The following RECK variants were observed in gnomAD, a reference collection of about 807,000 sequenced individuals.
RECK encodes reversion inducing cysteine rich protein with kazal motifs.
A neutral mutation model predicts 115.1 loss-of-function variants in RECK; 69 were observed. The observed-to-expected ratio is 0.60, with a 90% CI of 0.49 to 0.73. RECK has a LOEUF of 0.73. RECK is among the 30% of genes least tolerant of loss of function. The pLI is 0.00. For synonymous variants in RECK, 414 were observed against 419.7 expected, an observed-to-expected ratio of 0.99 and a Z score of 0.17; for missense variants, 1,047 against 1,203.7, an observed-to-expected ratio of 0.87 and a Z score of 1.93.
Position 36,123,170 on chromosome 9 carries a change from A to C in RECK, c.*125A>C. The C allele has an allele frequency of 1.5e-6, 1 of 660,690 alleles. No individual in the cohort carries two copies. The highest frequency in any genetic ancestry group is 1.8e-5 in the African/African-American group (1 of 54,418). 40.9% of individuals were successfully genotyped at this position (660,690 alleles called of 1,614,324 possible). On this transcript the variant is annotated 3_prime_UTR_variant, in exon 21 of 21. Coordinates refer to ENST00000377966, the MANE Select transcript of RECK (RefSeq NM_021111.3). ...GGCACATGTCACCTCTATTCGCCAC[A>C]CAGTATTTTTTTTTTTAATCCGCCA...
chr9:36,105,463 C>T (rs1352854206), intron 13 of RECK, among the ~76,000 whole-genome samples, 180 bp downstream of exon 13: 1 of 152,066 alleles, frequency 6.6e-6, no homozygotes, highest in African/African-American at 2.4e-5. Context: ...GAGATTTTCT[C>T]ATTAAACATG....
intron 13 of RECK, among the ~76,000 whole-genome samples, chr9:36,107,469 G>T (rs928774469): frequency 2.6e-5 from 4 of 151,830 alleles, no homozygotes; most frequent in African/African-American, 9.7e-5. Context: ...GCTGGGTGTG[G>T]TGGCACACGC....
chr9:36,062,978 T>C (rs1361554836), intron 4 of RECK, among the ~76,000 whole-genome samples: 1 of 151,700 alleles, frequency 6.6e-6, no homozygotes, highest in Non-Finnish European at 1.5e-5. Context: ...CTACTAAAAA[T>C]ACAAAAATTA....
At chr9:36,121,420 C>T (rs1824454113) in intron 19 of RECK, 113 bp from the exon 20 acceptor site, 1 of 988,022 alleles carries the variant, frequency 1.0e-6, no homozygotes, top group South Asian at 1.7e-5. Context: ...GGGCCTTCCG[C>T]TGAGGGCTGT....
At chr9:36,101,071 A>G (rs926993371) in intron 11 of RECK, among the ~76,000 whole-genome samples, 7 of 151,904 alleles carry the variant, frequency 4.6e-5, no homozygotes, top group African/African-American at 1.7e-4. Context: ...GGTTCAAGCA[A>G]TTCTCCTGCC....
chr9:36,091,585 A>T (rs1391491620), intron 10 of RECK, among the ~76,000 whole-genome samples: 1 of 152,214 alleles, frequency 6.6e-6, no homozygotes, highest in Non-Finnish European at 1.5e-5. Context: ...TTCTGCCGTC[A>T]GTCCCCTCTC....
chr9:36,095,576 G>A (rs747697088), intron 10 of RECK, among the ~76,000 whole-genome samples: 1 of 152,118 alleles, frequency 6.6e-6, no homozygotes, highest in African/African-American at 2.4e-5. Context: ...TAAAAGATTA[G>A]GAAATTCAAT....
chr9:36,097,829 CT>C, intron 10 of RECK, among the ~76,000 whole-genome samples: 1 of 152,312 alleles, frequency 6.6e-6, no homozygotes, highest in South Asian at 2.1e-4. Context: ...TATATATACA[CT>C]GTGGAATCCT....
At chr9:36,053,356 C>T (rs949828510) in intron 2 of RECK, among the ~76,000 whole-genome samples, 1 of 152,116 alleles carries the variant, frequency 6.6e-6, no homozygotes, top group Non-Finnish European at 1.5e-5. Context: ...CAAGTAATAA[C>T]CTGGATCTTG....
At position 36,110,049 on chromosome 9, in the gene RECK, A is replaced by G. The variant is rs150659859; in HGVS notation, c.1858A>G (p.Ser620Gly). 5.6e-6 allele frequency: 9 copies of G among 1,611,780 alleles called. No homozygotes were observed. Among genetic ancestry groups the G allele is most frequent in the Non-Finnish European group, 5.9e-6 (7 of 1,178,070 alleles). The change falls in exon 15 of 21, where the codon AGT becomes GGT. Residue 620 changes from serine (S) to glycine (G), a missense_variant. Transcript: ENST00000377966. Reference protein sequence around the residue: ...CSTRLCLSEHSSEDDRRTFTG... With the variant: ...CSTRLCLSEHGSEDDRRTFTG... ...TACCCGCCTTTGCCTCAGTGAGCAC[A>G]GTTCAGAAGATGACCGTCGTACCTT... is the stretch of plus-strand genomic sequence containing the variant.
At chr9:36,106,610 T>C (rs1287058672) in intron 13 of RECK, among the ~76,000 whole-genome samples, 1 of 152,038 alleles carries the variant, frequency 6.6e-6, no homozygotes, top group African/African-American at 2.4e-5. Context: ...ATCTATAATA[T>C]ATGTGTAATA....
At chr9:36,067,586 A>G (rs1189017844) in intron 6 of RECK, among the ~76,000 whole-genome samples, 1 of 152,206 alleles carries the variant, frequency 6.6e-6, no homozygotes, top group Non-Finnish European at 1.5e-5. Flanking sequence ...AGTTTAATAT[A>G]AAGCATTGTT....
chr9:36,083,167 A>T (rs1016306076), intron 7 of RECK, among the ~76,000 whole-genome samples, 198 bp from the exon 8 acceptor site: 3 of 152,192 alleles, frequency 2.0e-5, no homozygotes, highest in Non-Finnish European at 1.5e-5. Context: ...TTGATGATTA[A>T]TGACTTTATT....
chr9:36,059,579 A>AATTATT (rs1255539747), intron 3 of RECK, among the ~76,000 whole-genome samples: 10 of 152,188 alleles, frequency 6.6e-5, no homozygotes, highest in African/African-American at 2.2e-4. Context: ...ATTTGGGATA[A>AATTATT]GGGAAAATAT....
intron 12 of RECK, among the ~76,000 whole-genome samples, chr9:36,102,828 C>T (rs529764276): frequency 5.0e-4 from 76 of 151,654 alleles, no homozygotes; most frequent in African/African-American, 1.8e-3. Context: ...TGGTGGCGGG[C>T]GCCTGTAGTC....
At position 36,118,762 on chromosome 9, in the gene RECK, T is replaced by C; in HGVS notation, c.2259T>C (p.Phe753=). The C allele has an allele frequency of 6.2e-7, 1 of 1,613,842 alleles. No homozygotes were observed. Among genetic ancestry groups the C allele is most frequent in the African/African-American group, 1.3e-5 (1 of 75,050 alleles). The change falls in exon 18 of 21, where the codon TTT becomes TTC. Residue 753 remains phenylalanine (F), a synonymous_variant. Transcript: ENST00000377966. ...SLSYKGPCQP[F]CRATEPVCGH... is the part of the protein sequence containing the mutation. ...TGTGATTTGTTTGCCCTCAGCCCTT[T>C]TGCAGAGCAACCGAGCCCGTATGTG...
intron 16 of RECK, among the ~76,000 whole-genome samples, chr9:36,114,977 T>C (rs1824203388): frequency 6.6e-6 from 1 of 152,188 alleles, no homozygotes; most frequent in Admixed American, 6.5e-5. Flanking sequence ...TACCATGTTG[T>C]ACTTTTTCAG....
In RECK at chr9:36,037,049, C is replaced by A; in HGVS notation, c.51C>A (p.Ala17=). ...GAGGTGCGCTGCTCCTTCTGCTGGC[C>A]GTGGCGGGGGTCGCGGAGGTGGCAG... The part of the protein sequence containing the change: ...SLRGALLLLL[A]VAGVAEVAGG... The change falls in exon 1 of 21, where the codon GCC becomes GCA. Residue 17 remains alanine (A), a synonymous_variant. Coordinates refer to ENST00000377966, the MANE Select transcript of RECK (RefSeq NM_021111.3). The A allele has an allele frequency of 7.1e-7, 1 of 1,402,578 alleles. No homozygotes were observed. 86.9% of individuals were successfully genotyped at this position (1,402,578 alleles called of 1,614,324 possible).
chr9:36,065,727 C>A lies in RECK; in HGVS notation c.405+103C>A, dbSNP rs1052594370. On this transcript the variant is annotated intron_variant, in intron 6 of 20. Coordinates refer to ENST00000377966, the MANE Select transcript of RECK (RefSeq NM_021111.3). ...ATGAATTTATTTTTATACAACTTCC[C>A]TTTTACCTTACAGAAAATTTTGCAT... 8.5e-6 allele frequency: 8 copies of A among 939,214 alleles called. No individual in the cohort carries two copies. In the Admixed American group the frequency reaches 3.1e-4, roughly 36 times the overall value. The allele number at this position is 939,214 out of a possible 1,614,324, so 58.2% of individuals were successfully genotyped here.
Sources: gnomAD v4.1 joint callset for allele counts (sites outside exome capture counted in the v4.1 genomes callset) on GRCh38, gnomAD v4.1.1 for gene constraint, MANE v1.5 for transcripts, NCBI Gene and HGNC (gene_info 2026-07-23, HGNC 2026-07-21) for gene names.